The following FOXN3 variants were observed in gnomAD, a reference collection of about 807,000 sequenced individuals.
The protein encoded by FOXN3 is forkhead box N3, also known as forkhead box protein N3.
FOXN3 carries 7 observed loss-of-function variants against 38.4 expected under a neutral mutation model. The observed-to-expected ratio is 0.18, with a 90% CI of 0.10 to 0.34. FOXN3 has a LOEUF of 0.34. Ranked by LOEUF, FOXN3 falls within the 10% of genes least tolerant of loss-of-function variation. The pLI is 1.00. For synonymous variants in FOXN3, 230 were observed against 242.2 expected, an observed-to-expected ratio of 0.95 and a Z score of 0.47; for missense variants, 456 against 613.4, an observed-to-expected ratio of 0.74 and a Z score of 2.71.
chr14:89,522,831 AT>A (rs1344919755), intron 1 of FOXN3, among the ~76,000 whole-genome samples: 1 of 152,064 alleles, frequency 6.6e-6, no homozygotes, highest in East Asian at 1.9e-4. Context: ...TATAAAACAA[AT>A]AACAAGTTAG....
chr14:89,518,390 T>C (rs446551), intron 1 of FOXN3, among the ~76,000 whole-genome samples: 73,164 of 152,010 alleles, frequency 0.48, 18,139 homozygotes, highest in Non-Finnish European at 0.52. Flanking sequence ...CTTGTGACCT[T>C]GCTCTCCTGG....
chr14:89,291,820 T>C (rs1886882266), intron 3 of FOXN3, among the ~76,000 whole-genome samples: 1 of 152,238 alleles, frequency 6.6e-6, no homozygotes, highest in Admixed American at 6.5e-5. Flanking sequence ...CATTCTGGAT[T>C]GGATAATTCT....
intron 2 of FOXN3, among the ~76,000 whole-genome samples, chr14:89,363,957 T>TA (rs1555421691): frequency 2.2e-4 from 1 of 4,564 alleles, no homozygotes; most frequent in African/African-American, 3.0e-4. Context: ...AATATATATA[T>TA]ATATATATAT....
chr14:89,274,125 G>A (rs879940514), intron 4 of FOXN3, among the ~76,000 whole-genome samples: 2 of 152,162 alleles, frequency 1.3e-5, no homozygotes, highest in Non-Finnish European at 2.9e-5. Flanking sequence ...AAAGCAATGA[G>A]TGGGCGAGGG....
chr14:89,221,926 C>T (rs954747753), intron 4 of FOXN3, among the ~76,000 whole-genome samples: 3 of 152,048 alleles, frequency 2.0e-5, no homozygotes, highest in African/African-American at 7.3e-5. Flanking sequence ...GGGTTCACGC[C>T]ATTCTCCCAC....
At chr14:89,238,117 G>GTCTTTAT (rs1457860284) in intron 4 of FOXN3, among the ~76,000 whole-genome samples, 2 of 152,144 alleles carry the variant, frequency 1.3e-5, no homozygotes, top group Non-Finnish European at 2.9e-5. Context: ...TTAGTCTTTA[G>GTCTTTAT]TCTTTTCCAA....
rs57273137 is a variant in FOXN3 at position 89,582,487 on chromosome 14, C to CT, written c.-15+36540dup. ...CTAGGTGAGTTGACTTTAAACTCAC[C>CT]TTTTTTTTTTTTTTTTTTTTGAGAC... On this transcript the variant is annotated intron_variant, in intron 1 of 6. Transcript: ENST00000345097. Among the ~76,000 whole-genome samples the CT allele has an allele frequency of 1.5e-3, 126 of 86,734 alleles. 1 individual carries two copies. The highest frequency in any genetic ancestry group is 8.2e-3 in the East Asian group (31 of 3,776). 56.9% of individuals were successfully genotyped at this position (86,734 alleles called of 152,430 possible).
intron 1 of FOXN3, among the ~76,000 whole-genome samples, chr14:89,544,846 C>T (rs941302005): frequency 2.0e-5 from 3 of 152,114 alleles, no homozygotes; most frequent in Non-Finnish European, 2.9e-5. Flanking sequence ...CGGGACAGCA[C>T]GAGATTTCAT....
chr14:89,204,231 T>C (rs1334334318), intron 4 of FOXN3, among the ~76,000 whole-genome samples: 1 of 152,168 alleles, frequency 6.6e-6, no homozygotes, highest in Non-Finnish European at 1.5e-5. Context: ...ATACTTATTC[T>C]GGCTTCGGTC....
chr14:89,411,872 G>A, intron 2 of FOXN3, 62 bp downstream of exon 2: 1 of 1,118,834 alleles, frequency 8.9e-7, no homozygotes, highest in Non-Finnish European at 1.2e-6. Flanking sequence ...ATTTTTAATA[G>A]AGAAAAATTT....
intron 3 of FOXN3, among the ~76,000 whole-genome samples, chr14:89,341,253 G>A (rs1888607058): frequency 6.6e-6 from 1 of 152,136 alleles, no homozygotes; most frequent in Non-Finnish European, 1.5e-5. Flanking sequence ...TTATGTGCCT[G>A]GCACACTGTC....
At chr14:89,476,715 G>A (rs1482076869) in intron 1 of FOXN3, among the ~76,000 whole-genome samples, 2 of 152,218 alleles carry the variant, frequency 1.3e-5, no homozygotes, top group Admixed American at 6.5e-5. Flanking sequence ...TCCACCAGGA[G>A]ATAAACCTGA....
At chr14:89,507,010 C>T (rs911525301) in intron 1 of FOXN3, among the ~76,000 whole-genome samples, 1 of 152,044 alleles carries the variant, frequency 6.6e-6, no homozygotes, top group African/African-American at 2.4e-5. Context: ...GGGTCCTCTG[C>T]CTAGGAAAAC....
chr14:89,171,668 CT>C (rs1023474730), intron 5 of FOXN3, among the ~76,000 whole-genome samples: 15 of 152,108 alleles, frequency 9.9e-5, no homozygotes, highest in Admixed American at 3.3e-4. Flanking sequence ...ACAATGCAAA[CT>C]TTTTTTTATG....
intron 4 of FOXN3, among the ~76,000 whole-genome samples, chr14:89,211,576 A>C (rs1884094376): frequency 6.6e-6 from 1 of 152,208 alleles, no homozygotes; most frequent in Admixed American, 6.5e-5. Context: ...GGAAGACTTA[A>C]ACCTGCAGAA....
intron 1 of FOXN3, among the ~76,000 whole-genome samples, chr14:89,558,487 C>T (rs990144135): frequency 1.3e-5 from 2 of 152,112 alleles, no homozygotes; most frequent in African/African-American, 4.8e-5. Context: ...ACAGGACCCT[C>T]GTTTCCAGGG....
chr14:89,531,066 T>C (rs1395273661), intron 1 of FOXN3, among the ~76,000 whole-genome samples: 1 of 146,846 alleles, frequency 6.8e-6, no homozygotes, highest in Non-Finnish European at 1.5e-5. Context: ...CACATATATA[T>C]TATATATACA....
intron 4 of FOXN3, among the ~76,000 whole-genome samples, chr14:89,202,662 C>T (rs1404359837): frequency 3.3e-5 from 5 of 152,110 alleles, no homozygotes; most frequent in East Asian, 1.9e-4. Flanking sequence ...TATGTGTTCC[C>T]GTGAGAGCTG....
chr14:89,383,222 T>C (rs1223304707), intron 2 of FOXN3, among the ~76,000 whole-genome samples: 1 of 152,060 alleles, frequency 6.6e-6, no homozygotes, highest in Admixed American at 6.6e-5. Flanking sequence ...CTTTTATCAA[T>C]GTCTAAATGT....
Sources: gnomAD v4.1 joint callset for allele counts (sites outside exome capture counted in the v4.1 genomes callset) on GRCh38, gnomAD v4.1.1 for gene constraint, MANE v1.5 for transcripts, NCBI Gene and HGNC (gene_info 2026-07-23, HGNC 2026-07-21) for gene names.